The following HS3ST1 variants were observed in gnomAD, a reference collection of about 807,000 sequenced individuals.
The protein encoded by HS3ST1 is heparan sulfate glucosamine 3-O-sulfotransferase 1.
A neutral mutation model predicts 20.7 loss-of-function variants in HS3ST1; 8 were observed. That is an observed-to-expected ratio of 0.39 (90% CI 0.23 to 0.70). The LOEUF (loss-of-function observed/expected upper bound fraction) is 0.70, where lower values mean the gene tolerates loss of function less well. Among genes scored for constraint, HS3ST1 ranks in the 30% least tolerant of loss-of-function variants. The probability of loss-of-function intolerance (pLI) is 0.46; values close to 1 mark genes in which losing one functional copy is unlikely to be tolerated. For synonymous variants in HS3ST1, 205 were observed against 190.4 expected, an observed-to-expected ratio of 1.08 and a Z score of -0.63; for missense variants, 436 against 423.4, an observed-to-expected ratio of 1.03 and a Z score of -0.26.
chr4:11,432,982 C>T (rs771254979), upstream of HS3ST1, among the ~76,000 whole-genome samples: 2 of 152,154 alleles, frequency 1.3e-5, no homozygotes, highest in Non-Finnish European at 2.9e-5. Context: ...AGATTATCTA[C>T]TTTATGACAC....
At chr4:11,410,464 A>AT (rs1171025363) in intron 1 of HS3ST1, among the ~76,000 whole-genome samples, 1 of 152,328 alleles carries the variant, frequency 6.6e-6, no homozygotes, top group East Asian at 1.9e-4. Flanking sequence ...AAAAAGCCAA[A>AT]TGGGGTACAA....
At chr4:11,422,503 G>A (rs2108890310) in intron 1 of HS3ST1, among the ~76,000 whole-genome samples, 1 of 152,290 alleles carries the variant, frequency 6.6e-6, no homozygotes, top group Middle Eastern at 3.4e-3. Context: ...AGAAGGTGAT[G>A]AAAGGGAAAT....
At chr4:11,400,473 C>T (rs375691316) in intron 1 of HS3ST1, among the ~76,000 whole-genome samples, 2 of 152,158 alleles carry the variant, frequency 1.3e-5, no homozygotes, top group Non-Finnish European at 2.9e-5. Flanking sequence ...TTCCTTCTTA[C>T]TATTGTTATT....
At chr4:11,424,041 A>G (rs1371589851) in intron 1 of HS3ST1, among the ~76,000 whole-genome samples, 27 of 104,376 alleles carry the variant, frequency 2.6e-4, no homozygotes, top group Non-Finnish European at 3.6e-4. Context: ...TATCTTGAAA[A>G]AAAAAAAAAA....
upstream of HS3ST1, among the ~76,000 whole-genome samples, chr4:11,430,166 G>A (rs1419367604): frequency 2.6e-5 from 4 of 152,118 alleles, no homozygotes; most frequent in African/African-American, 4.8e-5. Flanking sequence ...AGTATATTCT[G>A]TCTTTTTGAT....
intron 1 of HS3ST1, among the ~76,000 whole-genome samples, chr4:11,426,837 A>C (rs1357556562): frequency 6.6e-6 from 1 of 152,256 alleles, no homozygotes; most frequent in East Asian, 1.9e-4. Flanking sequence ...CTTATGTAAC[A>C]CAATGGTCCA....
intron 1 of HS3ST1, among the ~76,000 whole-genome samples, chr4:11,423,811 C>CCTCG (rs1718994061): frequency 2.0e-5 from 3 of 152,144 alleles, no homozygotes; most frequent in Non-Finnish European, 2.9e-5. Flanking sequence ...TACACTCTTG[C>CCTCG]CTCGATATTC....
Position 11,407,386 on chromosome 4 carries a change from G to A in HS3ST1, c.-108-7273C>T, listed in dbSNP as rs544701577. Among the ~76,000 whole-genome samples the A allele has an allele frequency of 1.1e-3, 165 of 152,278 alleles. 1 individual carries two copies. The highest frequency in any genetic ancestry group is 1.7e-3 in the South Asian group (8 of 4,824). On this transcript the variant is annotated intron_variant, in intron 1 of 1. Transcript: ENST00000002596. ...CTGTGCTTCCTTGAATCCTCTGCAT[G>A]TCTGAGAGGTGCCATATTTACAAAC... is the stretch of plus-strand genomic sequence containing the variant.
At chr4:11,413,476 T>C in intron 1 of HS3ST1, among the ~76,000 whole-genome samples, 1 of 152,134 alleles carries the variant, frequency 6.6e-6, no homozygotes, top group Admixed American at 6.6e-5. Context: ...TTCCGCCTCT[T>C]CCTTAGCAAA....
chr4:11,428,936 G>GGGAGGAGCGGGA (rs1384754406), upstream of HS3ST1: 1 of 152,962 alleles, frequency 6.5e-6, no homozygotes, highest in Non-Finnish European at 1.5e-5. Context: ...CCCGAGGAGG[G>GGGAGGAGCGGGA]GGAGGAGCGG....
chr4:11,432,979 C>G (rs1719233979), upstream of HS3ST1, among the ~76,000 whole-genome samples: 1 of 152,144 alleles, frequency 6.6e-6, no homozygotes, highest in Non-Finnish European at 1.5e-5. Context: ...TTAAGATTAT[C>G]TACTTTATGA....
chr4:11,414,775 TA>T (rs1405250603), intron 1 of HS3ST1, among the ~76,000 whole-genome samples: 1 of 152,232 alleles, frequency 6.6e-6, no homozygotes, highest in Non-Finnish European at 1.5e-5. Context: ...TTCAAATGCT[TA>T]GATTCATAGA....
At chr4:11,425,869 C>T (rs1013848577) in intron 1 of HS3ST1, among the ~76,000 whole-genome samples, 3 of 152,156 alleles carry the variant, frequency 2.0e-5, no homozygotes, top group Non-Finnish European at 2.9e-5. Flanking sequence ...AGCTAGCACT[C>T]TCCTGCCTTC....
intron 1 of HS3ST1, among the ~76,000 whole-genome samples, chr4:11,408,312 C>G (rs1374140005): frequency 7.5e-5 from 11 of 146,858 alleles, no homozygotes; most frequent in African/African-American, 1.3e-4. Flanking sequence ...CTGTGGTAAG[C>G]TCTCAAATCA....
chr4:11,407,385 T>C (rs150313318), intron 1 of HS3ST1, among the ~76,000 whole-genome samples: 160 of 152,322 alleles, frequency 1.1e-3, no homozygotes, highest in African/African-American at 3.8e-3. Flanking sequence ...ATCCTCTGCA[T>C]GTCTGAGAGG....
Position 11,395,704 on chromosome 4 carries a change from C to T in HS3ST1, c.*3378G>A, listed in dbSNP as rs960684242. The T allele has an allele frequency of 1.3e-5, 2 of 152,076 alleles. No individual in the cohort carries two copies. Among genetic ancestry groups the T allele is most frequent in the Admixed American group, 1.3e-4 (2 of 15,264 alleles). 9.4% of individuals were successfully genotyped at this position (152,076 alleles called of 1,614,324 possible). ...TGTTGGTCAGGCTGGTCTTGAACTC[C>T]TGACCTCGTGATTCACCTGTCTTGG... On this transcript the variant is annotated 3_prime_UTR_variant, in exon 2 of 2. Transcript: ENST00000002596.
chr4:11,432,149 G>A (rs1315435097), upstream of HS3ST1, among the ~76,000 whole-genome samples: 2 of 152,136 alleles, frequency 1.3e-5, no homozygotes, highest in African/African-American at 2.4e-5. Flanking sequence ...ATAGGAGACG[G>A]GAGGTCAGGA....
rs534770916 is a variant in HS3ST1 at position 11,404,848 on chromosome 4, C to T, written c.-108-4735G>A. Among the ~76,000 whole-genome samples, 4 of 152,318 alleles carry T rather than the reference C, an allele frequency of 2.6e-5. No homozygotes were observed. In the South Asian group the frequency reaches 8.3e-4, roughly 32 times the overall value. ...TGCTACTGAGCAGGCACTAGACTGGCAACTTTCCACACAGGGCTTGCTGTA... is the reference window on the plus strand; with the variant it reads ...TGCTACTGAGCAGGCACTAGACTGGTAACTTTCCACACAGGGCTTGCTGTA... On this transcript the variant is annotated intron_variant, in intron 1 of 1. Coordinates refer to ENST00000002596, the MANE Select transcript of HS3ST1 (RefSeq NM_005114.4).
rs191369724 is a variant in HS3ST1 at position 11,406,582 on chromosome 4, C to G, written c.-108-6469G>C. Among the ~76,000 whole-genome samples the G allele has an allele frequency of 2.0e-5, 3 of 152,286 alleles. No individual in the cohort carries two copies. In the East Asian group the frequency reaches 5.8e-4, roughly 29 times the overall value. On this transcript the variant is annotated intron_variant, in intron 1 of 1. Transcript: ENST00000002596. ...AAATGACCTCCTCAAGGTCACAGAA[C>G]CAGGAAATATCAAAACTAAAATATT...
Sources: gnomAD v4.1 joint callset for allele counts (sites outside exome capture counted in the v4.1 genomes callset) on GRCh38, gnomAD v4.1.1 for gene constraint, MANE v1.5 for transcripts, NCBI Gene and HGNC (gene_info 2026-07-23, HGNC 2026-07-21) for gene names.